NHSL1: variants seen among roughly 807,000 people sequenced by gnomAD.
NHSL1 encodes NHS like 1, also known as NHS-like protein 1.
In NHSL1, 48 loss-of-function variants were observed where a neutral mutation model predicts 95.0. The observed-to-expected ratio is 0.51, with a 90% CI of 0.40 to 0.64. The LOEUF (loss-of-function observed/expected upper bound fraction) is 0.64. Ranked by LOEUF, NHSL1 falls within the 30% of genes least tolerant of loss-of-function variation. The probability of loss-of-function intolerance (pLI) is 0.00; values close to 1 mark genes in which losing one functional copy is unlikely to be tolerated. For synonymous variants in NHSL1, 783 were observed against 833.9 expected (o/e 0.94, Z 1.05); for missense variants, 1,971 against 2,077.7 (o/e 0.95, Z 1.00).
chr6:138,634,687 C>A (rs1342423013), intron 1 of NHSL1, among the ~76,000 whole-genome samples: 1 of 152,052 alleles, frequency 6.6e-6, no homozygotes, highest in Non-Finnish European at 1.5e-5. Flanking sequence ...GCACTGTAGA[C>A]CAAATAGACC....
intron 1 of NHSL1, among the ~76,000 whole-genome samples, chr6:138,537,248 T>C (rs961698805): frequency 6.6e-6 from 1 of 152,242 alleles, no homozygotes; most frequent in Non-Finnish European, 1.5e-5. Context: ...TTGGAGCTGT[T>C]AGAGCGGTAT....
chr6:138,437,437 C>CAAA (rs1562270847), intron 5 of NHSL1, among the ~76,000 whole-genome samples: 1 of 37,354 alleles, frequency 2.7e-5, no homozygotes, highest in Non-Finnish European at 5.4e-5. Flanking sequence ...CACACACACA[C>CAAA]ACACACACAA....
chr6:138,602,981 A>C (rs1784390547), intron 1 of NHSL1, among the ~76,000 whole-genome samples: 1 of 152,218 alleles, frequency 6.6e-6, no homozygotes, highest in Non-Finnish European at 1.5e-5. Flanking sequence ...GCACCCACAG[A>C]AAAAGCCCTC....
At chr6:138,587,557 C>T (rs1354181264) in intron 1 of NHSL1, among the ~76,000 whole-genome samples, 2 of 150,320 alleles carry the variant, frequency 1.3e-5, no homozygotes, top group East Asian at 1.9e-4. Flanking sequence ...AGCCTCCTAC[C>T]CTACCTTTAA....
chr6:138,456,883 CTT>C (rs113834827), intron 3 of NHSL1, among the ~76,000 whole-genome samples: 15 of 144,574 alleles, frequency 1.0e-4, no homozygotes, highest in Non-Finnish European at 7.6e-5. Context: ...TTCTTTCTTT[CTT>C]TTTTTTTTTT....
At chr6:138,684,527 C>T (rs752331816) in intron 1 of NHSL1, among the ~76,000 whole-genome samples, 2 of 152,088 alleles carry the variant, frequency 1.3e-5, no homozygotes, top group Non-Finnish European at 2.9e-5. Flanking sequence ...CGCCTGTAAT[C>T]CCAGCTACTC....
rs1775592904 is a variant in NHSL1 at position 138,430,831 on chromosome 6, C to T, written c.3514G>A (p.Ala1172Thr). Residue 1172 changes from alanine (A) to threonine (T), a missense_variant, in exon 6 of 8, where the codon GCA (alanine) becomes ACA (threonine). By Grantham distance (58) the Ala-to-Thr change is moderately conservative. Around this residue, in one of 3 missense-constraint regions of NHSL1, gnomAD observed 1,602 missense variants for 1,654.5 expected, o/e 0.97. Transcript: ENST00000343505. This position sits in a 1 kb window ranked among gnomAD's most constrained non-coding sequence, Gnocchi z 4.7. ...GTGCTGGGGCTGGGCCGAGCCTCTG[C>T]CTCCCCAGCGCTTGGAGCTCCAGGG... ...RSPGAPSAGEAEARPSPSTTP... is the reference protein window; with the variant it reads ...RSPGAPSAGETEARPSPSTTP... 1 of 1,550,858 alleles carries T rather than the reference C, an allele frequency of 6.4e-7. No individual in the cohort carries two copies. The highest frequency in any genetic ancestry group is 8.7e-7 in the Non-Finnish European group (1 of 1,146,772).
intron 3 of NHSL1, among the ~76,000 whole-genome samples, chr6:138,461,595 C>T (rs191043342): frequency 1.4e-4 from 21 of 152,124 alleles, no homozygotes; most frequent in East Asian, 1.2e-3. Context: ...GATTTGGCAA[C>T]GTGGAGGTGA....
intron 1 of NHSL1, among the ~76,000 whole-genome samples, chr6:138,513,929 T>G (rs1165477235): frequency 6.6e-6 from 1 of 152,224 alleles, no homozygotes; most frequent in Non-Finnish European, 1.5e-5. Flanking sequence ...AGTGCCAGGT[T>G]TGATACACTG....
intron 1 of NHSL1, among the ~76,000 whole-genome samples, chr6:138,510,501 T>C (rs1470749861): frequency 1.3e-5 from 2 of 152,196 alleles, no homozygotes; most frequent in African/African-American, 4.8e-5. Context: ...AACTACAGAA[T>C]ACACAGCAGC....
chr6:138,637,117 T>C (rs1301211853), intron 1 of NHSL1, among the ~76,000 whole-genome samples: 1 of 152,168 alleles, frequency 6.6e-6, no homozygotes, highest in African/African-American at 2.4e-5. Flanking sequence ...TAATTCATTT[T>C]TTACAAAAGT....
chr6:138,467,063 A>G (rs1269344055), intron 3 of NHSL1, among the ~76,000 whole-genome samples: 1 of 152,190 alleles, frequency 6.6e-6, no homozygotes, highest in Non-Finnish European at 1.5e-5. Context: ...ACAATTATGC[A>G]TAATACATCA....
At chr6:138,667,020 T>C (rs916162074) in intron 1 of NHSL1, among the ~76,000 whole-genome samples, 4 of 152,246 alleles carry the variant, frequency 2.6e-5, no homozygotes, top group African/African-American at 9.6e-5. Flanking sequence ...GTGACTATTA[T>C]GAAAAGAATG....
At chr6:138,582,006 C>A (rs931188915) in intron 1 of NHSL1, among the ~76,000 whole-genome samples, 1 of 150,982 alleles carries the variant, frequency 6.6e-6, no homozygotes, top group Non-Finnish European at 1.5e-5. Flanking sequence ...AAGCGATTCT[C>A]GAGCCTCCAC....
chr6:138,575,986 T>TTTATTTAC (rs1562380487), upstream of NHSL1, among the ~76,000 whole-genome samples: 1 of 151,224 alleles, frequency 6.6e-6, no homozygotes, highest in African/African-American at 2.4e-5. Flanking sequence ...TATTTATTTA[T>TTTATTTAC]TTATTTATTT....
intron 1 of NHSL1, among the ~76,000 whole-genome samples, chr6:138,506,649 T>A (rs1035691937): frequency 2.0e-5 from 3 of 152,204 alleles, no homozygotes; most frequent in South Asian, 2.1e-4. Flanking sequence ...TCTGGAAATC[T>A]TAAAGTACAA....
Position 138,499,398 on chromosome 6 carries a change from C to T in NHSL1, c.-108G>A. 1 of 1,491,720 alleles carries T rather than the reference C, an allele frequency of 6.7e-7. No homozygotes were observed. Among genetic ancestry groups the T allele is most frequent in the South Asian group, 1.3e-5 (1 of 77,932 alleles). 92.4% of individuals were successfully genotyped at this position (1,491,720 alleles called of 1,614,324 possible). A position where few individuals can be genotyped will look rare whatever the true frequency, so the allele number is the denominator to read the frequency against. Reference sequence around the variant, plus strand: ...CTGCTACAGATTCTAACTTTTTCTTCCCCCGGTCTCATATCCTTAGACATC... The same window carrying T: ...CTGCTACAGATTCTAACTTTTTCTTTCCCCGGTCTCATATCCTTAGACATC... On this transcript the variant is annotated 5_prime_UTR_variant, in exon 1 of 8. Coordinates refer to ENST00000343505, the MANE Select transcript of NHSL1 (RefSeq NM_001144060.2).
intron 1 of NHSL1, among the ~76,000 whole-genome samples, chr6:138,684,211 C>CAAA (rs34122069): frequency 7.7e-6 from 1 of 129,878 alleles, no homozygotes; most frequent in Non-Finnish European, 1.7e-5. Flanking sequence ...GACTCCCTCT[C>CAAA]AAAAAAAAAA....
At chr6:138,493,668 T>C (rs1353552277) in intron 2 of NHSL1, among the ~76,000 whole-genome samples, 2 of 152,254 alleles carry the variant, frequency 1.3e-5, no homozygotes, top group African/African-American at 4.8e-5. Context: ...CCTCGGGGAT[T>C]TGTCCTGGGA....
Sources: gnomAD v4.1 joint callset for allele counts (sites outside exome capture counted in the v4.1 genomes callset) on GRCh38, gnomAD v4.1.1 for gene constraint, gnomAD v4.1.1 regional missense constraint, Gnocchi (gnomAD v3.1) non-coding constraint, MANE v1.5 for transcripts, NCBI Gene and HGNC (gene_info 2026-07-23, HGNC 2026-07-21) for gene names.